TNR: variants seen among roughly 807,000 people sequenced by gnomAD.
TNR encodes tenascin R.
Under a neutral mutation model 150.4 loss-of-function variants are expected in TNR, and 45 were observed. The observed-to-expected ratio is 0.30, with a 90% CI of 0.24 to 0.38. The LOEUF (loss-of-function observed/expected upper bound fraction) is 0.38, where lower values mean the gene tolerates loss of function less well. Among genes scored for constraint, TNR ranks in the 10% least tolerant of loss-of-function variants. The pLI, the probability that TNR is intolerant of heterozygous loss-of-function variation, is 1.00. For synonymous variants in TNR, 687 were observed against 678.4 expected (o/e 1.01, Z -0.20); for missense variants, 1,544 against 1,759.1 (o/e 0.88, Z 2.19).
In TNR at chr1:175,606,683, C is replaced by A. The variant is rs140616132; in HGVS notation, c.-164-78314G>T. On this transcript the variant is annotated intron_variant, in intron 1 of 22. Coordinates refer to ENST00000367674, the MANE Select transcript of TNR (RefSeq NM_003285.3). ...TGTTGATGCTCTGCCCAGGACCCCC[C>A]ACCCGACCCCCACAGCTTCTGTGAG... 2.5e-3 allele frequency among the ~76,000 whole-genome samples: 387 copies of A among 152,258 alleles called. 2 individuals are homozygous for A. The highest frequency in any genetic ancestry group is 8.3e-3 in the African/African-American group (346 of 41,546).
intron 20 of TNR, 103 bp from the exon 21 acceptor site, chr1:175,330,338 AG>A (rs1272056669): frequency 1.0e-5 from 13 of 1,287,282 alleles, no homozygotes; most frequent in Non-Finnish European, 1.4e-5. Flanking sequence ...AGGGAAGAGG[AG>A]GGGACTCCAG....
At chr1:175,380,981 T>C (rs2102026812) in intron 8 of TNR, among the ~76,000 whole-genome samples, 1 of 152,354 alleles carries the variant, frequency 6.6e-6, no homozygotes, top group East Asian at 1.9e-4. Flanking sequence ...CGCAGAGGCT[T>C]TGGAGTGAGA....
chr1:175,559,103 T>C (rs536090385), intron 1 of TNR, among the ~76,000 whole-genome samples: 2 of 152,154 alleles, frequency 1.3e-5, no homozygotes, highest in African/African-American at 4.8e-5. Context: ...ATCTATTTTT[T>C]AAAAAAATTT....
At chr1:175,513,489 C>A (rs1367798167) in intron 2 of TNR, among the ~76,000 whole-genome samples, 1 of 152,194 alleles carries the variant, frequency 6.6e-6, no homozygotes, top group Non-Finnish European at 1.5e-5. Flanking sequence ...TGCTCTGTCC[C>A]TGCCTGCAGG....
intron 1 of TNR, among the ~76,000 whole-genome samples, chr1:175,733,263 T>C (rs529516543): frequency 1.3e-5 from 2 of 152,348 alleles, no homozygotes; most frequent in South Asian, 2.1e-4. Flanking sequence ...AGTTAGTGAA[T>C]GTCAGTTGTG....
chr1:175,406,655 G>T lies in TNR; in HGVS notation c.60C>A (p.Ile20=). 1.9e-6 allele frequency: 3 copies of T among 1,614,204 alleles called. No individual in the cohort carries two copies. Among genetic ancestry groups the T allele is most frequent in the Non-Finnish European group, 2.5e-6 (3 of 1,180,050 alleles). The change falls in exon 3 of 23, where the codon ATC becomes ATA. Residue 20 remains isoleucine (I), a synonymous_variant. Transcript: ENST00000367674. ...LKNMLIGINL[I]LLGSMIKPSE... ...AAGGCTTGATCATGGAGCCCAGAAG[G>T]ATCAGGTTGATGCCAATGAGCATGT...
chr1:175,568,260 G>A (rs1249952143), intron 1 of TNR, among the ~76,000 whole-genome samples: 1 of 150,680 alleles, frequency 6.6e-6, no homozygotes, highest in Admixed American at 6.6e-5. Flanking sequence ...GAAGTATGAT[G>A]ATGGATCACT....
chr1:175,362,750 G>A lies in TNR; in HGVS notation c.2767C>T (p.Leu923=), dbSNP rs779685022. 1.9e-6 allele frequency: 3 copies of A among 1,614,142 alleles called. No homozygotes were observed. In the Admixed American group the frequency reaches 5.0e-5, roughly 27 times the overall value. ...NTVTEFTITR[L]NPATEYEISL... ...ATTTCGTATTCGGTAGCTGGGTTCAGTCTGGTGATGGTGAATTCTGTCACA... is the reference window on the plus strand; with the variant it reads ...ATTTCGTATTCGGTAGCTGGGTTCAATCTGGTGATGGTGAATTCTGTCACA... The change falls in exon 14 of 23, where the codon CTG becomes TTG. Residue 923 remains leucine, a synonymous_variant. Coordinates refer to ENST00000367674, the MANE Select transcript of TNR (RefSeq NM_003285.3).
chr1:175,341,710 A>C (rs1260665916), intron 18 of TNR, among the ~76,000 whole-genome samples: 1 of 152,228 alleles, frequency 6.6e-6, no homozygotes, highest in African/African-American at 2.4e-5. Flanking sequence ...TGGCCTCAGC[A>C]TCAGGACTGA....
rs1653441134 is a variant in TNR, at chr1:175,396,656, A to G, written c.1128T>C (p.Asp376=). ...GCTCCGTGATGGTGACACCACTCCA[A>G]TCTCCAGGCACCCGCTGCTGGAGCT... ...GLQLQQRVPG[D]WSGVTITELE... The change falls in exon 5 of 23, where the codon GAT becomes GAC. Residue 376 remains aspartate (D), a synonymous_variant. Transcript: ENST00000367674. The G allele has an allele frequency of 1.9e-6, 3 of 1,614,174 alleles. No individual in the cohort carries two copies. The highest frequency in any genetic ancestry group is 2.5e-6 in the Non-Finnish European group (3 of 1,180,026).
intron 2 of TNR, among the ~76,000 whole-genome samples, chr1:175,494,167 T>C (rs916138348): frequency 2.7e-5 from 4 of 150,332 alleles, no homozygotes; most frequent in African/African-American, 9.7e-5. Context: ...CCGGCCTCTC[T>C]CTGCTCCACA....
chr1:175,483,253 G>T (rs1230613900), intron 2 of TNR, among the ~76,000 whole-genome samples: 2 of 152,152 alleles, frequency 1.3e-5, no homozygotes, highest in African/African-American at 2.4e-5. Flanking sequence ...GTGCAGTGAG[G>T]GCCTAGGGAA....
At chr1:175,608,113 T>C (rs531909657) in intron 1 of TNR, among the ~76,000 whole-genome samples, 14 of 152,374 alleles carry the variant, frequency 9.2e-5, no homozygotes, top group African/African-American at 2.9e-4. Context: ...TAGAAGCCTT[T>C]GTCATTCCTA....
intron 2 of TNR, among the ~76,000 whole-genome samples, chr1:175,452,111 C>T (rs983211860): frequency 6.6e-6 from 1 of 152,210 alleles, no homozygotes; most frequent in African/African-American, 2.4e-5. Flanking sequence ...GGACCAGCAT[C>T]GTGCACCGGT....
At chr1:175,420,354 G>A (rs552369617) in intron 2 of TNR, among the ~76,000 whole-genome samples, 6 of 152,096 alleles carry the variant, frequency 3.9e-5, no homozygotes, top group South Asian at 4.1e-4. Context: ...CATTCCCTCC[G>A]TAGTCAAATG....
intron 1 of TNR, among the ~76,000 whole-genome samples, chr1:175,590,163 G>T (rs1296782712): frequency 6.6e-6 from 1 of 152,112 alleles, no homozygotes; most frequent in East Asian, 1.9e-4. Flanking sequence ...GAGTAGATTT[G>T]AGATCCTCTT....
chr1:175,660,936 T>C lies in TNR; in HGVS notation c.-165+82290A>G, dbSNP rs113145454. 3.5e-3 allele frequency among the ~76,000 whole-genome samples: 530 copies of C among 152,330 alleles called. 4 individuals carry two copies. Among genetic ancestry groups the C allele is most frequent in the African/African-American group, 0.012 (514 of 41,582 alleles). Reference sequence around the variant, plus strand: ...TACAGGGCCCTGGGAGTGAGGGTCATGCCCCCAGGAATGGCATTAATGTCT... The same window carrying C: ...TACAGGGCCCTGGGAGTGAGGGTCACGCCCCCAGGAATGGCATTAATGTCT... On this transcript the variant is annotated intron_variant, in intron 1 of 22. Transcript: ENST00000367674.
chr1:175,619,301 T>C (rs1663884180), intron 1 of TNR, among the ~76,000 whole-genome samples: 1 of 152,152 alleles, frequency 6.6e-6, no homozygotes, highest in Non-Finnish European at 1.5e-5. Context: ...ACATCTAGTA[T>C]TTATAGAGCC....
At chr1:175,650,851 ACCCATCTCC>A (rs1664951757) in intron 1 of TNR, among the ~76,000 whole-genome samples, 1 of 54,944 alleles carries the variant, frequency 1.8e-5, no homozygotes, top group South Asian at 6.7e-4. Context: ...CCTCATTACT[ACCCATCTCC>A]CACCTCATTC....
Sources: gnomAD v4.1 joint callset for allele counts (sites outside exome capture counted in the v4.1 genomes callset) on GRCh38, gnomAD v4.1.1 for gene constraint, MANE v1.5 for transcripts, NCBI Gene and HGNC (gene_info 2026-07-23, HGNC 2026-07-21) for gene names.